AKAP13: variants seen among roughly 807,000 people sequenced by gnomAD.
AKAP13 encodes A-kinase anchoring protein 13, also known as A-kinase anchor protein 13.
AKAP13 carries 80 observed loss-of-function variants against 264.5 expected under a neutral mutation model. The observed-to-expected ratio is 0.30, with a 90% CI of 0.25 to 0.36. The LOEUF (loss-of-function observed/expected upper bound fraction) is 0.36. Ranked by LOEUF, AKAP13 falls within the 10% of genes least tolerant of loss-of-function variation. AKAP13 has a pLI of 1.00. For synonymous variants in AKAP13, 1,380 were observed against 1,250.2 expected, an observed-to-expected ratio of 1.10 and a Z score of -2.19; for missense variants, 3,712 against 3,435.2, an observed-to-expected ratio of 1.08 and a Z score of -2.01.
At position 85,722,026 on chromosome 15, in the gene AKAP13, A is replaced by T. The variant is rs772302583; in HGVS notation, c.6288A>T (p.Thr2096=). 6.2e-7 allele frequency: 1 copy of T among 1,614,184 alleles called. No individual in the cohort carries two copies. The part of the protein sequence containing the change: ...SGENAERLKK[T]YGKFCGQHNQ... ...AGAATGCAGAACGTTTAAAGAAGACATATGGCAAGTTTTGTGGGCAACATA... is the reference window on the plus strand; with the variant it reads ...AGAATGCAGAACGTTTAAAGAAGACTTATGGCAAGTTTTGTGGGCAACATA... The change falls in exon 24 of 37, where the codon ACA becomes ACT. Residue 2096 remains threonine (T), a synonymous_variant. Coordinates refer to ENST00000394518, the MANE Select transcript of AKAP13 (RefSeq NM_007200.5).
Position 85,546,290 on chromosome 15 carries a change from C to G in AKAP13, c.662+2335C>G, listed in dbSNP as rs929678659. 6.7e-5 allele frequency among the ~76,000 whole-genome samples: 10 copies of G among 148,698 alleles called. No individual in the cohort carries two copies. The South Asian group carries it at 2.1e-3, about 32-fold the overall frequency. ...TAGATTAAAACATCACACTGTACCC[C>G]ATAAATAAATTTATATAATTGTTGT... is the stretch of plus-strand genomic sequence containing the variant. On this transcript the variant is annotated intron_variant, in intron 5 of 36. Coordinates refer to ENST00000394518, the MANE Select transcript of AKAP13 (RefSeq NM_007200.5).
chr15:85,512,585 G>C (rs2076467148), intron 2 of AKAP13, among the ~76,000 whole-genome samples: 1 of 151,966 alleles, frequency 6.6e-6, no homozygotes, highest in Non-Finnish European at 1.5e-5. Context: ...AATCCTACTT[G>C]GATTTGAATT....
chr15:85,685,430 A>C (rs1777447044), intron 16 of AKAP13: 1 of 152,008 alleles, frequency 6.6e-6, no homozygotes, highest in Non-Finnish European at 1.5e-5. Flanking sequence ...ATATTCTCTT[A>C]GTGATTAAGA....
chr15:85,494,883 T>C (rs919641972), intron 2 of AKAP13, among the ~76,000 whole-genome samples: 1 of 151,734 alleles, frequency 6.6e-6, no homozygotes, highest in African/African-American at 2.4e-5. Context: ...AATGTAGCAA[T>C]TGGAAGATGA....
At chr15:85,488,667 T>G (rs896016193) in intron 2 of AKAP13, among the ~76,000 whole-genome samples, 1 of 152,096 alleles carries the variant, frequency 6.6e-6, no homozygotes, top group South Asian at 2.1e-4. Context: ...TGGTCAGAGA[T>G]TTGAAGATGC....
chr15:85,655,690 G>A lies in AKAP13; in HGVS notation c.4648G>A (p.Val1550Ile). Reference protein sequence around the residue: ...SITEVPANCSVLRSSMRSLSP... With the variant: ...SITEVPANCSILRSSMRSLSP... ...CACTGAAGTGCCTGCAAACTGCTCT[G>A]TCCTAAGGAGCTCCATGCGCTCTCT... Residue 1550 changes from valine to isoleucine, a missense_variant, in exon 11 of 37, where the codon GTC (valine) becomes ATC (isoleucine). This residue lies in a region of AKAP13 where 2,759 missense variants were observed against 2,411.7 expected (regional missense o/e 1.14). Transcript: ENST00000394518. The A allele has an allele frequency of 6.2e-7, 1 of 1,614,202 alleles. No homozygotes were observed. Among genetic ancestry groups the A allele is most frequent in the Non-Finnish European group, 8.5e-7 (1 of 1,180,032 alleles).
chr15:85,678,235 T>A (rs2084363682), intron 14 of AKAP13, among the ~76,000 whole-genome samples: 1 of 152,216 alleles, frequency 6.6e-6, no homozygotes, highest in Non-Finnish European at 1.5e-5. Context: ...ATATAACTAG[T>A]ATTATGAGTC....
At chr15:85,432,659 C>T (rs567343092) in intron 1 of AKAP13, among the ~76,000 whole-genome samples, 35 of 152,198 alleles carry the variant, frequency 2.3e-4, no homozygotes, top group Admixed American at 5.9e-4. Context: ...TCATTCACTT[C>T]GCAAAATTGA....
At chr15:85,678,055 T>C (rs1026097305) in intron 14 of AKAP13, among the ~76,000 whole-genome samples, 15 of 152,226 alleles carry the variant, frequency 9.9e-5, no homozygotes, top group African/African-American at 3.6e-4. Flanking sequence ...TACTTGATAA[T>C]GCCTTGTATA....
At chr15:85,414,647 A>T (rs867870481) in intron 1 of AKAP13, among the ~76,000 whole-genome samples, 2 of 152,350 alleles carry the variant, frequency 1.3e-5, no homozygotes, top group Middle Eastern at 6.8e-3. Context: ...TTGGTAGACT[A>T]CATGTTTTGT....
intron 5 of AKAP13, among the ~76,000 whole-genome samples, chr15:85,554,663 TACC>T (rs2078077552): frequency 6.6e-6 from 1 of 152,150 alleles, no homozygotes; most frequent in Non-Finnish European, 1.5e-5. Flanking sequence ...CCCTCTAGCA[TACC>T]ACACAGTCAC....
At chr15:85,387,975 T>G (rs1427233446) in intron 1 of AKAP13, among the ~76,000 whole-genome samples, 1 of 152,134 alleles carries the variant, frequency 6.6e-6, no homozygotes, top group African/African-American at 2.4e-5. Context: ...TGCATAGACA[T>G]TATTGTCATT....
intron 35 of AKAP13, among the ~76,000 whole-genome samples, chr15:85,742,789 T>C (rs1394785748): frequency 3.9e-5 from 6 of 152,184 alleles, no homozygotes; most frequent in African/African-American, 1.4e-4. Flanking sequence ...GTTTGTTTGA[T>C]TGATTGATCT....
intron 8 of AKAP13, among the ~76,000 whole-genome samples, chr15:85,588,273 C>T (rs561769859): frequency 1.3e-5 from 2 of 152,260 alleles, no homozygotes; most frequent in East Asian, 3.9e-4. Context: ...TGTTCTAACC[C>T]GCCCTTATTA....
At chr15:85,702,425 A>G (rs1206659810) in intron 17 of AKAP13, 1 of 152,194 alleles carries the variant, frequency 6.6e-6, no homozygotes, top group Non-Finnish European at 1.5e-5. Context: ...AGTAGAAAAT[A>G]TGAGTAATTT....
At chr15:85,382,630 G>A (rs1411384098) in intron 1 of AKAP13, among the ~76,000 whole-genome samples, 2 of 152,176 alleles carry the variant, frequency 1.3e-5, no homozygotes, top group Admixed American at 1.3e-4. Context: ...ATGTTATACT[G>A]TAGGTACTAT....
At chr15:85,569,345 G>A (rs1181545661) in intron 5 of AKAP13, among the ~76,000 whole-genome samples, 1 of 152,100 alleles carries the variant, frequency 6.6e-6, no homozygotes, top group Non-Finnish European at 1.5e-5. Context: ...TAGGAGATGA[G>A]GAAGAGGAGC....
At chr15:85,604,466 CT>C (rs781662004) in intron 8 of AKAP13, among the ~76,000 whole-genome samples, 649 of 139,732 alleles carry the variant, frequency 4.6e-3, no homozygotes, top group Non-Finnish European at 4.3e-3. Context: ...GCTGCTGCTG[CT>C]TTTTTTTTTT....
rs79031360 is a variant in AKAP13 at position 85,672,323 on chromosome 15, C to T, written c.5101+2493C>T. The stretch of plus-strand genomic sequence containing the variant: ...TTAATGTCACTATTTCTCCTTAGTT[C>T]CTCCTATATACAATTAAAATAGTTT... On this transcript the variant is annotated intron_variant, in intron 14 of 36. Transcript: ENST00000394518. Among the ~76,000 whole-genome samples, 4 of 152,214 alleles carry T rather than the reference C, an allele frequency of 2.6e-5. No individual in the cohort carries two copies. The East Asian group carries it at 5.8e-4, about 22-fold the overall frequency.
Sources: gnomAD v4.1 joint callset for allele counts (sites outside exome capture counted in the v4.1 genomes callset) on GRCh38, gnomAD v4.1.1 for gene constraint, gnomAD v4.1.1 regional missense constraint, MANE v1.5 for transcripts, NCBI Gene and HGNC (gene_info 2026-07-23, HGNC 2026-07-21) for gene names.